RIMS2: variants seen among roughly 807,000 people sequenced by gnomAD.
RIMS2 encodes regulating synaptic membrane exocytosis 2.
In RIMS2, 59 loss-of-function variants were observed where a neutral mutation model predicts 174.4. The observed-to-expected ratio is 0.34, with a 90% confidence interval of 0.27 to 0.42. The LOEUF (loss-of-function observed/expected upper bound fraction) is 0.42. RIMS2 is among the 10% of genes least tolerant of loss of function. RIMS2 has a pLI of 1.00. For missense variants in RIMS2, 1,620 were observed against 1,666.3 expected, an observed-to-expected ratio of 0.97 and a Z score of 0.48; for synonymous variants, 606 against 572.5, an observed-to-expected ratio of 1.06 and a Z score of -0.84.
chr8:103,678,955 T>C (rs2096847276), intron 1 of RIMS2, among the ~76,000 whole-genome samples: 1 of 152,016 alleles, frequency 6.6e-6, no homozygotes, highest in Non-Finnish European at 1.5e-5. Context: ...CTCAACACTG[T>C]GAAGATGTCA....
intron 15 of RIMS2, among the ~76,000 whole-genome samples, chr8:103,967,208 A>T: frequency 1.6e-5 from 1 of 62,366 alleles, no homozygotes; most frequent in Non-Finnish European, 2.7e-5. Context: ...TTTGAGATAG[A>T]GTTTCACTCT....
intron 19 of RIMS2, among the ~76,000 whole-genome samples, chr8:104,218,701 G>A (rs1233621132): frequency 6.6e-6 from 1 of 152,038 alleles, no homozygotes; most frequent in Non-Finnish European, 1.5e-5. Context: ...GATCCCTCAC[G>A]TGTGCATTTA....
intron 19 of RIMS2, among the ~76,000 whole-genome samples, chr8:104,035,582 T>G (rs115151889): frequency 0.011 from 1,602 of 152,090 alleles, 32 homozygotes; most frequent in African/African-American, 0.037. Flanking sequence ...AAATATTCAA[T>G]TAAGTATTTT....
At chr8:104,064,474 G>A (rs1166449267) in intron 19 of RIMS2, among the ~76,000 whole-genome samples, 1 of 151,774 alleles carries the variant, frequency 6.6e-6, no homozygotes, top group Admixed American at 6.6e-5. Flanking sequence ...TTAAGGAAGG[G>A]GATTATTATA....
At chr8:103,650,604 G>A (rs1282715627) in intron 1 of RIMS2, among the ~76,000 whole-genome samples, 1 of 152,248 alleles carries the variant, frequency 6.6e-6, no homozygotes, top group Non-Finnish European at 1.5e-5. Flanking sequence ...AATCCTTGCT[G>A]GAGTGGGTGA....
At chr8:104,093,590 C>G (rs1292890661) in intron 19 of RIMS2, 2 of 1,597,560 alleles carry the variant, frequency 1.3e-6, no homozygotes, top group East Asian at 4.5e-5. Flanking sequence ...GTTTCAGCAG[C>G]ACAAGCTACA....
At chr8:104,093,683 T>C in intron 19 of RIMS2, 40 bp downstream of exon 24, 1 of 1,480,620 alleles carries the variant, frequency 6.8e-7, no homozygotes, top group Non-Finnish European at 9.2e-7. Flanking sequence ...AAATATGTTT[T>C]AGAAGGTCTT....
intron 3 of RIMS2, among the ~76,000 whole-genome samples, chr8:103,837,811 T>A (rs907841979): frequency 1.3e-5 from 2 of 151,630 alleles, no homozygotes; most frequent in African/African-American, 4.9e-5. Context: ...GAATAGTGCC[T>A]CAATAAACAT....
At chr8:103,637,343 G>A (rs1233155950) in intron 1 of RIMS2, among the ~76,000 whole-genome samples, 1 of 152,060 alleles carries the variant, frequency 6.6e-6, no homozygotes, top group East Asian at 1.9e-4. Context: ...TGTTCATTAA[G>A]GATATGAGTA....
intron 14 of RIMS2, among the ~76,000 whole-genome samples, chr8:103,956,711 A>C (rs1468896043): frequency 6.6e-6 from 1 of 152,238 alleles, no homozygotes; most frequent in Non-Finnish European, 1.5e-5. Context: ...CATGACTAAA[A>C]CACCAAAAGC....
intron 3 of RIMS2, among the ~76,000 whole-genome samples, chr8:103,850,826 A>T (rs563564308): frequency 6.6e-6 from 1 of 152,156 alleles, no homozygotes; most frequent in South Asian, 2.1e-4. Context: ...CTGAAAGTAT[A>T]TTTAGAATCC....
intron 15 of RIMS2, among the ~76,000 whole-genome samples, chr8:103,974,494 T>G (rs892865924): frequency 2.6e-5 from 4 of 152,170 alleles, no homozygotes; most frequent in Admixed American, 2.6e-4. Context: ...ACAACTTGAG[T>G]CAAACGTACT....
chr8:104,127,716 C>G (rs2132706603), intron 19 of RIMS2, among the ~76,000 whole-genome samples: 1 of 151,742 alleles, frequency 6.6e-6, no homozygotes, highest in Non-Finnish European at 1.5e-5. Context: ...ACATAGTAAA[C>G]AGTGATAAAT....
chr8:103,626,618 G>A (rs1369388954), intron 1 of RIMS2, among the ~76,000 whole-genome samples: 1 of 152,124 alleles, frequency 6.6e-6, no homozygotes, highest in Non-Finnish European at 1.5e-5. Flanking sequence ...AAATATTGAT[G>A]TCTATCGGGG....
At chr8:103,756,868 T>C (rs988771232) in intron 2 of RIMS2, among the ~76,000 whole-genome samples, 11 of 152,176 alleles carry the variant, frequency 7.2e-5, no homozygotes, top group African/African-American at 2.7e-4. Flanking sequence ...CTACTCAATA[T>C]TTTGGCTGTA....
intron 1 of RIMS2, among the ~76,000 whole-genome samples, chr8:103,666,421 A>T (rs2096669971): frequency 6.6e-6 from 1 of 152,128 alleles, no homozygotes; most frequent in African/African-American, 2.4e-5. Flanking sequence ...CCAAAACTTT[A>T]TGCGTTGACA....
At chr8:103,885,552 A>T (rs1421577872) in exon 4 of RIMS2, 1 of 1,612,762 alleles carries the variant, frequency 6.2e-7, no homozygotes, top group Non-Finnish European at 8.5e-7. Context: ...GAAAGCAGAG[A>T]TGAATACGAA....
intron 3 of RIMS2, among the ~76,000 whole-genome samples, chr8:103,797,031 G>A (rs2098554528): frequency 1.3e-5 from 2 of 152,254 alleles, no homozygotes; most frequent in South Asian, 4.1e-4. Context: ...GTTAGGGAAG[G>A]CATTGCTTAA....
chr8:103,990,902 G>T, intron 17 of RIMS2, among the ~76,000 whole-genome samples: 1 of 151,672 alleles, frequency 6.6e-6, no homozygotes, highest in Non-Finnish European at 1.5e-5. Flanking sequence ...TTAACATCTA[G>T]AATTATAAAT....
Sources: gnomAD v4.1 joint callset for allele counts (sites outside exome capture counted in the v4.1 genomes callset) on GRCh38, gnomAD v4.1.1 for gene constraint, MANE v1.5 for transcripts, NCBI Gene and HGNC (gene_info 2026-07-23, HGNC 2026-07-21) for gene names.